The following PHACTR1 variants were observed in gnomAD, a reference collection of about 807,000 sequenced individuals.
The protein encoded by PHACTR1 is phosphatase and actin regulator 1, also known as RPEL repeat containing 1.
PHACTR1 carries 16 observed loss-of-function variants against 69.2 expected under a neutral mutation model. The ratio of observed to expected loss-of-function variants is 0.23; its 90% CI spans 0.16 to 0.35. The LOEUF (loss-of-function observed/expected upper bound fraction) is 0.35. Among genes scored for constraint, PHACTR1 ranks in the 10% least tolerant of loss-of-function variants. The pLI, the probability that PHACTR1 is intolerant of heterozygous loss-of-function variation, is 1.00. For synonymous variants in PHACTR1, 312 were observed against 284.5 expected (o/e 1.10, Z -0.97); for missense variants, 510 against 734.7 (o/e 0.69, Z 3.54).
intron 5 of PHACTR1, among the ~76,000 whole-genome samples, chr6:13,125,733 A>C (rs1340573414): frequency 6.6e-6 from 1 of 152,210 alleles, no homozygotes. Flanking sequence ...GTTTGAGACC[A>C]GCCTGGGCAA....
intron 4 of PHACTR1, among the ~76,000 whole-genome samples, chr6:12,955,192 CTTTTTTTT>C (rs1161324144): frequency 1.9e-5 from 2 of 103,284 alleles, no homozygotes; most frequent in Non-Finnish European, 3.6e-5. Context: ...TGTATTTCCT[CTTTTTTTT>C]TTTTTTTTTT....
chr6:13,072,989 G>A (rs1162708796), intron 5 of PHACTR1, among the ~76,000 whole-genome samples: 3 of 152,118 alleles, frequency 2.0e-5, no homozygotes, highest in East Asian at 1.9e-4. Flanking sequence ...CAGGGAAGCC[G>A]TGATCATTGG....
At chr6:12,745,065 C>A (rs774101574) in intron 3 of PHACTR1, among the ~76,000 whole-genome samples, 4 of 152,094 alleles carry the variant, frequency 2.6e-5, no homozygotes, top group African/African-American at 9.7e-5. Flanking sequence ...TAACAAGTAT[C>A]GCAAGTGATT....
intron 4 of PHACTR1, among the ~76,000 whole-genome samples, chr6:12,917,730 G>A (rs1443014776): frequency 6.6e-6 from 1 of 152,044 alleles, no homozygotes; most frequent in African/African-American, 2.4e-5. Flanking sequence ...ACTCCAGCCT[G>A]GGCAACAGCA....
chr6:12,753,955 TA>T (rs1766935419), intron 4 of PHACTR1, among the ~76,000 whole-genome samples: 1 of 101,862 alleles, frequency 9.8e-6, no homozygotes, highest in South Asian at 2.7e-4. Context: ...TATATATATA[TA>T]TATATATATA....
chr6:13,155,827 G>A (rs1363208617), intron 5 of PHACTR1, among the ~76,000 whole-genome samples: 1 of 152,030 alleles, frequency 6.6e-6, no homozygotes. Context: ...GGCAGAGGTT[G>A]GAGTGAGCCA....
At chr6:13,008,702 C>A (rs1799111715) in intron 4 of PHACTR1, among the ~76,000 whole-genome samples, 1 of 152,210 alleles carries the variant, frequency 6.6e-6, no homozygotes. Context: ...GTCCATGAAC[C>A]ATTTAGAAGT....
intron 7 of PHACTR1, among the ~76,000 whole-genome samples, chr6:13,203,689 G>A (rs1339515787): frequency 1.3e-5 from 2 of 152,150 alleles, no homozygotes; most frequent in Non-Finnish European, 2.9e-5. Context: ...ACAAAACAGA[G>A]GAGAATATTC....
intron 5 of PHACTR1, among the ~76,000 whole-genome samples, chr6:13,063,779 G>GA (rs201447462): frequency 0.019 from 2,699 of 139,512 alleles, 67 homozygotes; most frequent in African/African-American, 0.059. Context: ...GACCCTGTCT[G>GA]AAAAAAAAAA....
intron 6 of PHACTR1, among the ~76,000 whole-genome samples, chr6:13,180,075 A>G (rs552210799): frequency 6.6e-6 from 1 of 152,342 alleles, no homozygotes; most frequent in Admixed American, 6.5e-5. Context: ...ATATATAGTC[A>G]TCCAGTATAA....
At chr6:12,746,739 A>C (rs558784662) in intron 3 of PHACTR1, among the ~76,000 whole-genome samples, 12 of 152,364 alleles carry the variant, frequency 7.9e-5, no homozygotes, top group African/African-American at 2.9e-4. Flanking sequence ...TAAATGAATA[A>C]GAAACAGGAA....
intron 6 of PHACTR1, among the ~76,000 whole-genome samples, chr6:13,177,503 T>C (rs1300268683): frequency 6.6e-6 from 1 of 151,902 alleles, no homozygotes; most frequent in East Asian, 1.9e-4. Flanking sequence ...TAAATAAAAC[T>C]CTTGTTACAT....
At chr6:13,037,357 A>G (rs1803464966) in intron 4 of PHACTR1, among the ~76,000 whole-genome samples, 1 of 152,202 alleles carries the variant, frequency 6.6e-6, no homozygotes, top group South Asian at 2.1e-4. Flanking sequence ...CCCTAACCAG[A>G]GATCCACCCA....
intron 3 of PHACTR1, among the ~76,000 whole-genome samples, chr6:12,742,301 G>T (rs1438503562): frequency 1.3e-5 from 2 of 152,156 alleles, no homozygotes; most frequent in African/African-American, 4.8e-5. Flanking sequence ...CCCCTTTTTA[G>T]ACCATATAGG....
At chr6:13,281,278 G>T in intron 12 of PHACTR1, 1 of 443,034 alleles carries the variant, frequency 2.3e-6, no homozygotes, top group Non-Finnish European at 3.8e-6. Context: ...TTTGGGCCGG[G>T]CTCGGTGGCT....
chr6:12,855,656 G>A (rs1780272461), intron 4 of PHACTR1, among the ~76,000 whole-genome samples: 1 of 152,094 alleles, frequency 6.6e-6, no homozygotes, highest in Non-Finnish European at 1.5e-5. Flanking sequence ...AGGGAGGGAG[G>A]AAGGGAGGTA....
intron 11 of PHACTR1, among the ~76,000 whole-genome samples, chr6:13,276,570 G>A (rs538830132): frequency 4.6e-4 from 70 of 152,242 alleles, no homozygotes; most frequent in African/African-American, 1.5e-3. Context: ...TCAGGAGTTC[G>A]AGACCAGTCT....
chr6:12,751,853 A>G (rs545997049), intron 4 of PHACTR1, among the ~76,000 whole-genome samples: 82 of 152,328 alleles, frequency 5.4e-4, no homozygotes, highest in African/African-American at 1.9e-3. Context: ...TAAAGGAGGA[A>G]GGGCATTAGC....
At chr6:12,944,787 A>ATTTTTATTTT (rs1790461904) in intron 4 of PHACTR1, among the ~76,000 whole-genome samples, 1 of 116,340 alleles carries the variant, frequency 8.6e-6, no homozygotes, top group African/African-American at 3.3e-5. Context: ...ATTTTTATTT[A>ATTTTTATTTT]TTTTTTTTTT....
Sources: gnomAD v4.1 joint callset for allele counts (sites outside exome capture counted in the v4.1 genomes callset) on GRCh38, gnomAD v4.1.1 for gene constraint, MANE v1.5 for transcripts, NCBI Gene and HGNC (gene_info 2026-07-23, HGNC 2026-07-21) for gene names.